The following ZNF431 variants were observed in gnomAD, a reference collection of about 807,000 sequenced individuals.
ZNF431 encodes the protein zinc finger protein 431.
ZNF431 carries 34 observed loss-of-function variants against 57.0 expected under a neutral mutation model. The ratio of observed to expected loss-of-function variants is 0.60; its 90% CI spans 0.45 to 0.79. The LOEUF (loss-of-function observed/expected upper bound fraction) is 0.79, where lower values mean the gene tolerates loss of function less well. Ranked by LOEUF, ZNF431 falls within the 30% of genes least tolerant of loss-of-function variation. ZNF431 has a pLI of 0.00. For synonymous variants in ZNF431, 207 were observed against 220.3 expected, an observed-to-expected ratio of 0.94 and a Z score of 0.54; for missense variants, 607 against 667.1, an observed-to-expected ratio of 0.91 and a Z score of 0.99.
chr19:21,146,805 CCAGT>C (rs1970111149), intron 2 of ZNF431, among the ~76,000 whole-genome samples: 4 of 152,246 alleles, frequency 2.6e-5, no homozygotes, highest in South Asian at 2.1e-4. Context: ...GGAATGCAGC[CCAGT>C]CAGTCTCAGT....
intron 2 of ZNF431, among the ~76,000 whole-genome samples, chr19:21,148,135 C>A (rs1284755773): frequency 6.6e-5 from 10 of 151,974 alleles, no homozygotes; most frequent in Non-Finnish European, 1.3e-4. Context: ...AGCTGGATTA[C>A]AGGTGCACAC....
At position 21,164,589 on chromosome 19, in the gene ZNF431, T is replaced by C. The variant is rs191074022; in HGVS notation, c.97-1746T>C. Among the ~76,000 whole-genome samples, 43 of 152,214 alleles carry C rather than the reference T, an allele frequency of 2.8e-4. 1 individual carries two copies. The highest frequency in any genetic ancestry group is 9.1e-4 in the African/African-American group (38 of 41,544). ...AATTTTCTCAAGATGCAGGTGTTAC[T>C]TGTCCAGAGAATTTTATCTGAAAAG... On this transcript the variant is annotated intron_variant, in intron 2 of 4. Coordinates refer to ENST00000311048, the MANE Select transcript of ZNF431 (RefSeq NM_133473.4).
rs1398802751 is a variant in ZNF431 at position 21,183,647 on chromosome 19, A to C, written c.1344A>C (p.Ile448=). ...CCCCACAACTTACTGCACATAAGAT[A>C]ATTCATACTGGAGAGAAACCTTACA... ...NRSPQLTAHK[I]IHTGEKPYKC... is the part of the protein sequence containing the mutation. Residue 448 remains isoleucine, a synonymous_variant, in exon 5 of 5, where the codon ATA becomes ATC. Coordinates refer to ENST00000311048, the MANE Select transcript of ZNF431 (RefSeq NM_133473.4). 2.5e-6 allele frequency: 4 copies of C among 1,613,418 alleles called. No individual in the cohort carries two copies. In the Middle Eastern group the frequency reaches 4.9e-4, roughly 200 times the overall value.
At chr19:21,175,426 T>C in intron 4 of ZNF431, 1 of 696,690 alleles carries the variant, frequency 1.4e-6, no homozygotes, top group East Asian at 2.7e-5. Context: ...TTTTTTAAGT[T>C]TAATTTAATT....
At chr19:21,165,257 C>T (rs1970690819) in intron 2 of ZNF431, among the ~76,000 whole-genome samples, 1 of 152,066 alleles carries the variant, frequency 6.6e-6, no homozygotes, top group Non-Finnish European at 1.5e-5. Flanking sequence ...AAGATTCCTA[C>T]TGGGGAAAAG....
intron 2 of ZNF431, among the ~76,000 whole-genome samples, chr19:21,157,200 C>T (rs901219572): frequency 6.6e-6 from 1 of 152,172 alleles, no homozygotes; most frequent in Non-Finnish European, 1.5e-5. Flanking sequence ...TGCAGTGGTA[C>T]CGTCTCACCT....
intron 2 of ZNF431, among the ~76,000 whole-genome samples, chr19:21,153,399 CAG>C (rs1276084342): frequency 1.3e-5 from 2 of 152,178 alleles, no homozygotes; most frequent in African/African-American, 4.8e-5. Context: ...ACACCTCTGA[CAG>C]AGTCTGTGTC....
intron 4 of ZNF431, among the ~76,000 whole-genome samples, chr19:21,174,796 G>A (rs1412459862): frequency 6.6e-6 from 1 of 151,690 alleles, no homozygotes; most frequent in Non-Finnish European, 1.5e-5. Flanking sequence ...TTTTGAGATG[G>A]CATCTCGCTC....
At chr19:21,143,842 T>C (rs1171990193) in intron 2 of ZNF431, among the ~76,000 whole-genome samples, 199 bp downstream of exon 2, 1 of 151,332 alleles carries the variant, frequency 6.6e-6, no homozygotes, top group Non-Finnish European at 1.5e-5. Flanking sequence ...AGTGAAAAAT[T>C]TGTGACAGAT....
intron 2 of ZNF431, among the ~76,000 whole-genome samples, chr19:21,148,168 T>C (rs894034401): frequency 2.0e-5 from 3 of 152,068 alleles, no homozygotes; most frequent in Non-Finnish European, 4.4e-5. Flanking sequence ...CTAATTTTTT[T>C]GTATCTTTAG....
At chr19:21,144,362 C>G (rs1163533348) in intron 2 of ZNF431, among the ~76,000 whole-genome samples, 2 of 151,926 alleles carry the variant, frequency 1.3e-5, no homozygotes. Context: ...CCACACCCAG[C>G]TAATTTTTTG....
Position 21,182,629 on chromosome 19 carries a change from G to A in ZNF431, c.326G>A (p.Cys109Tyr). 2 of 1,594,432 alleles carry A rather than the reference G, an allele frequency of 1.3e-6. No homozygotes were observed. The highest frequency in any genetic ancestry group is 1.7e-6 in the Non-Finnish European group (2 of 1,173,530). ...HEMVDEPPAM[C>Y]SYFTKDLWPE... ...TTGTTTGTATTTCTTTCAGCTATGT[G>A]TTCTTATTTTACCAAAGACCTTTGG... Residue 109 changes from cysteine (C) to tyrosine (Y), a missense_variant, in exon 5 of 5, where the codon TGT (cysteine) becomes TAT (tyrosine). Physicochemically the swap from Cys to Tyr is radical, Grantham distance 194 (BLOSUM62 -2). Transcript: ENST00000311048.
rs1971276425 is a variant in ZNF431 at position 21,183,584 on chromosome 19, C to T, written c.1281C>T (p.Pro427=). ...AGATGATTCATACTGGAGAGAAACC[C>T]TACAAATGTGAAGAATGTGGCAAAG... The part of the protein sequence containing the change: ...THKMIHTGEK[P]YKCEECGKAF... The change falls in exon 5 of 5, where the codon CCC becomes CCT. Residue 427 remains proline, a synonymous_variant. Coordinates refer to ENST00000311048, the MANE Select transcript of ZNF431 (RefSeq NM_133473.4). The T allele has an allele frequency of 3.7e-6, 6 of 1,612,414 alleles. No homozygotes were observed. In the East Asian group the frequency reaches 8.9e-5, roughly 24 times the overall value.
chr19:21,177,478 G>GT (rs1260649415), intron 4 of ZNF431, among the ~76,000 whole-genome samples: 1 of 152,042 alleles, frequency 6.6e-6, no homozygotes, highest in Admixed American at 6.6e-5. Context: ...CCAGCTTTGT[G>GT]TTTTTTGCCT....
chr19:21,190,015 A>G lies in ZNF431; in HGVS notation c.*5981A>G. ...AAAAACAACAAAACAAAAACAAAAAACACCTCAGCTGGGTGTGGTGGTGCA... is the reference window on the plus strand; with the variant it reads ...AAAAACAACAAAACAAAAACAAAAAGCACCTCAGCTGGGTGTGGTGGTGCA... On this transcript the variant is annotated 3_prime_UTR_variant, in exon 5 of 5. Coordinates refer to ENST00000311048, the MANE Select transcript of ZNF431 (RefSeq NM_133473.4). 1 of 388,570 alleles carries G rather than the reference A, an allele frequency of 2.6e-6. No homozygotes were observed. The highest frequency in any genetic ancestry group is 4.5e-6 in the Non-Finnish European group (1 of 220,110). The allele number at this position is 388,570 out of a possible 1,614,324, so 24.1% of individuals were successfully genotyped here.
Position 21,191,277 on chromosome 19 carries a change from A to C in ZNF431, c.*7243A>C, listed in dbSNP as rs1332229515. 2.6e-5 allele frequency: 4 copies of C among 152,058 alleles called. No individual in the cohort carries two copies. Among genetic ancestry groups the C allele is most frequent in the Non-Finnish European group, 4.4e-5 (3 of 68,060 alleles). The allele number at this position is 152,058 out of a possible 1,614,324, so 9.4% of individuals were successfully genotyped here. ...AGACCAGCCTGACCAACATGGTGAA[A>C]TCCTGTCTCTACTAAAAATACAAAT... On this transcript the variant is annotated 3_prime_UTR_variant, in exon 5 of 5. Transcript: ENST00000311048.
intron 4 of ZNF431, among the ~76,000 whole-genome samples, chr19:21,168,946 G>C (rs1204560984): frequency 6.6e-6 from 1 of 151,548 alleles, no homozygotes; most frequent in African/African-American, 2.4e-5. Context: ...CAGTCTCACT[G>C]TGTTGCCTAG....
At chr19:21,155,052 T>C (rs922289810) in intron 2 of ZNF431, among the ~76,000 whole-genome samples, 2 of 152,238 alleles carry the variant, frequency 1.3e-5, no homozygotes, top group African/African-American at 2.4e-5. Context: ...ATTTTGGCTT[T>C]TGTTGCCGTT....
intron 4 of ZNF431, among the ~76,000 whole-genome samples, chr19:21,168,371 ATT>A (rs548268547): frequency 2.1e-5 from 3 of 145,744 alleles, no homozygotes; most frequent in Admixed American, 6.9e-5. Context: ...CAAGACATGA[ATT>A]TTTTTTTTTT....
Sources: gnomAD v4.1 joint callset for allele counts (sites outside exome capture counted in the v4.1 genomes callset) on GRCh38, gnomAD v4.1.1 for gene constraint, MANE v1.5 for transcripts, NCBI Gene and HGNC (gene_info 2026-07-23, HGNC 2026-07-21) for gene names.